The following SNX7 variants were observed in gnomAD, a reference collection of about 807,000 sequenced individuals.
SNX7 encodes the protein sorting nexin-7.
In SNX7, 35 loss-of-function variants were observed where a neutral mutation model predicts 48.4. That is an observed-to-expected ratio of 0.72 (90% CI 0.55 to 0.96). SNX7 has a LOEUF of 0.96. Among genes scored for constraint, SNX7 ranks in the 40% least tolerant of loss-of-function variants. The probability of loss-of-function intolerance (pLI) is 0.00; values close to 1 mark genes in which losing one functional copy is unlikely to be tolerated. For synonymous variants in SNX7, 190 were observed against 190.2 expected, an observed-to-expected ratio of 1.00 and a Z score of 0.01; for missense variants, 553 against 548.9, an observed-to-expected ratio of 1.01 and a Z score of -0.07.
At chr1:98,676,577 A>G (rs868728649) in intron 1 of SNX7, among the ~76,000 whole-genome samples, 19 of 152,338 alleles carry the variant, frequency 1.2e-4, no homozygotes, top group African/African-American at 4.3e-4. Context: ...GTTGCATTGT[A>G]GTTCACAGAG....
chr1:98,665,755 A>AT (rs1332655287), intron 1 of SNX7, among the ~76,000 whole-genome samples: 3 of 151,832 alleles, frequency 2.0e-5, no homozygotes, highest in Non-Finnish European at 2.9e-5. Context: ...TGCCTGGCTA[A>AT]TTTTTTGTAT....
At chr1:98,720,713 T>C (rs1652820845) in intron 7 of SNX7, among the ~76,000 whole-genome samples, 1 of 152,144 alleles carries the variant, frequency 6.6e-6, no homozygotes, top group African/African-American at 2.4e-5. Flanking sequence ...CATGTGGCTA[T>C]TGGTACCATT....
At chr1:98,723,990 T>C (rs982724074) in intron 7 of SNX7, among the ~76,000 whole-genome samples, 2 of 152,164 alleles carry the variant, frequency 1.3e-5, no homozygotes, top group African/African-American at 4.8e-5. Flanking sequence ...TTCTTAGTGA[T>C]AGAACATTCT....
intron 5 of SNX7, among the ~76,000 whole-genome samples, chr1:98,697,289 T>A (rs1435805881): frequency 6.6e-6 from 1 of 152,046 alleles, no homozygotes; most frequent in East Asian, 1.9e-4. Flanking sequence ...CCATTGTTTT[T>A]AAATTTCATA....
At chr1:98,738,792 A>C (rs1013297747) in intron 8 of SNX7, among the ~76,000 whole-genome samples, 1 of 152,146 alleles carries the variant, frequency 6.6e-6, no homozygotes, top group Admixed American at 6.6e-5. Flanking sequence ...ACACCATTCC[A>C]TCAGCAAAAG....
intron 1 of SNX7, among the ~76,000 whole-genome samples, chr1:98,672,933 A>AG (rs1275603326): frequency 2.9e-5 from 2 of 68,500 alleles, no homozygotes; most frequent in Non-Finnish European, 7.8e-5. Context: ...TCCGTCTCAA[A>AG]AAAAAAAAAA....
chr1:98,756,992 C>T (rs1413471141), intron 8 of SNX7, among the ~76,000 whole-genome samples: 1 of 151,982 alleles, frequency 6.6e-6, no homozygotes, highest in Admixed American at 6.6e-5. Flanking sequence ...TAAGTGAGTG[C>T]TTGCTCTGAG....
intron 8 of SNX7, among the ~76,000 whole-genome samples, chr1:98,758,944 C>G (rs1054524022): frequency 6.6e-6 from 1 of 152,002 alleles, no homozygotes; most frequent in Non-Finnish European, 1.5e-5. Context: ...CACACACACA[C>G]ACACACATAA....
chr1:98,736,019 C>G (rs1011208917), intron 7 of SNX7, among the ~76,000 whole-genome samples: 1 of 152,134 alleles, frequency 6.6e-6, no homozygotes, highest in Non-Finnish European at 1.5e-5. Context: ...ACCAACTAAC[C>G]AGACCACCAC....
At chr1:98,724,000 T>C (rs900130781) in intron 7 of SNX7, among the ~76,000 whole-genome samples, 1 of 152,228 alleles carries the variant, frequency 6.6e-6, no homozygotes, top group African/African-American at 2.4e-5. Context: ...TAGAACATTC[T>C]TGTATTTTTC....
chr1:98,709,784 G>A (rs1220632070), intron 7 of SNX7, among the ~76,000 whole-genome samples: 1 of 151,994 alleles, frequency 6.6e-6, no homozygotes, highest in African/African-American at 2.4e-5. Context: ...ATCCACTTCT[G>A]TCTAGAAAGT....
At chr1:98,716,641 A>G (rs1652605299) in intron 7 of SNX7, among the ~76,000 whole-genome samples, 1 of 152,162 alleles carries the variant, frequency 6.6e-6, no homozygotes, top group African/African-American at 2.4e-5. Context: ...ATTTGCTCAC[A>G]GTTATACAGC....
At chr1:98,750,666 AAAGCTGCT>A (rs1255116200) in intron 8 of SNX7, among the ~76,000 whole-genome samples, 3 of 152,044 alleles carry the variant, frequency 2.0e-5, no homozygotes, top group Non-Finnish European at 4.4e-5. Context: ...AATAGGTTTC[AAAGCTGCT>A]AAACGAATGA....
At chr1:98,727,078 C>T (rs976926458) in intron 7 of SNX7, among the ~76,000 whole-genome samples, 3 of 152,086 alleles carry the variant, frequency 2.0e-5, no homozygotes, top group Admixed American at 6.5e-5. Context: ...GGCATGGTGG[C>T]GGGCACCTGT....
At chr1:98,722,815 C>T (rs901585452) in intron 7 of SNX7, among the ~76,000 whole-genome samples, 1 of 151,996 alleles carries the variant, frequency 6.6e-6, no homozygotes, top group African/African-American at 2.4e-5. Flanking sequence ...GTAAGAATAA[C>T]TATCATCCTC....
At chr1:98,676,438 A>T (rs192470778) in intron 1 of SNX7, among the ~76,000 whole-genome samples, 3 of 152,300 alleles carry the variant, frequency 2.0e-5, no homozygotes, top group Admixed American at 2.0e-4. Context: ...TGCTTAAATG[A>T]TCACAAATCT....
chr1:98,743,810 C>T (rs181405272), intron 8 of SNX7, among the ~76,000 whole-genome samples: 16 of 152,128 alleles, frequency 1.1e-4, no homozygotes, highest in African/African-American at 2.2e-4. Flanking sequence ...CTACATACTT[C>T]GGAACATTTT....
chr1:98,721,251 A>C (rs796823244), intron 7 of SNX7, among the ~76,000 whole-genome samples: 1 of 152,140 alleles, frequency 6.6e-6, no homozygotes, highest in African/African-American at 2.4e-5. Context: ...TAGTGCAGAT[A>C]TTCCAAAATC....
chr1:98,744,923 A>G (rs772253312), intron 8 of SNX7, among the ~76,000 whole-genome samples: 7 of 152,160 alleles, frequency 4.6e-5, no homozygotes, highest in Non-Finnish European at 1.0e-4. Context: ...TTACTTACCC[A>G]GAAGAAATGC....
Sources: allele counts gnomAD v4.1 joint callset (sites outside exome capture counted in the v4.1 genomes callset), GRCh38; gene constraint gnomAD v4.1.1; transcripts MANE v1.5; gene names NCBI Gene and HGNC (gene_info 2026-07-23, HGNC 2026-07-21).